Variants in CDH18 observed in about 807,000 individuals in gnomAD.
CDH18 encodes the protein cadherin 18.
In CDH18, 31 loss-of-function variants were observed where a neutral mutation model predicts 67.9. The ratio of observed to expected loss-of-function variants is 0.46; its 90% confidence interval spans 0.34 to 0.62. The LOEUF (loss-of-function observed/expected upper bound fraction) is 0.62. Among genes scored for constraint, CDH18 ranks in the 20% least tolerant of loss-of-function variants. CDH18 has a pLI of 0.01. For synonymous variants in CDH18, 362 were observed against 347.2 expected (o/e 1.04, Z -0.48); for missense variants, 890 against 975.5 (o/e 0.91, Z 1.17).
chr5:19,727,660 C>T (rs767588109), intron 4 of CDH18, among the ~76,000 whole-genome samples: 1 of 152,048 alleles, frequency 6.6e-6, no homozygotes, highest in Non-Finnish European at 1.5e-5. Context: ...GAAAAATGGA[C>T]ATTTATTCTC....
At chr5:19,532,603 A>T (rs1036939816) in intron 9 of CDH18, among the ~76,000 whole-genome samples, 5 of 152,156 alleles carry the variant, frequency 3.3e-5, no homozygotes, top group Non-Finnish European at 7.4e-5. Flanking sequence ...ATGTTTTAAA[A>T]GGAACATTAT....
intron 2 of CDH18, among the ~76,000 whole-genome samples, chr5:20,154,622 C>T (rs144269891): frequency 1.3e-5 from 2 of 152,122 alleles, no homozygotes; most frequent in Admixed American, 6.6e-5. Context: ...CTCCCTCAGT[C>T]TCTGTGCCAT....
chr5:20,005,644 A>G (rs1013560208), intron 2 of CDH18, among the ~76,000 whole-genome samples: 1 of 151,968 alleles, frequency 6.6e-6, no homozygotes, highest in Non-Finnish European at 1.5e-5. Context: ...ATAATTTTCA[A>G]GTTATTTAAG....
chr5:20,284,016 T>G (rs2126710578), intron 1 of CDH18, among the ~76,000 whole-genome samples: 1 of 152,084 alleles, frequency 6.6e-6, no homozygotes, highest in Middle Eastern at 3.4e-3. Context: ...ACCTCACATG[T>G]TTTCACTCAC....
rs141371280 is a variant in CDH18, at chr5:19,928,592, T to C, written c.-257+52468A>G. 2.9e-3 allele frequency among the ~76,000 whole-genome samples: 444 copies of C among 152,278 alleles called. 1 individual carries two copies. Among genetic ancestry groups the C allele is most frequent in the Non-Finnish European group, 4.9e-3 (331 of 68,018 alleles). On this transcript the variant is annotated intron_variant, in intron 2 of 12. Transcript: ENST00000382275. ...ATGTAACATACATATCCATACAGGA[T>C]ACACAATACTCCTGTGTGAGCTTGA...
chr5:19,997,722 T>C (rs1736125356), intron 2 of CDH18, among the ~76,000 whole-genome samples: 1 of 152,152 alleles, frequency 6.6e-6, no homozygotes, highest in African/African-American at 2.4e-5. Flanking sequence ...ACTGCAACAA[T>C]GGTAAGCTAT....
intron 2 of CDH18, among the ~76,000 whole-genome samples, chr5:20,192,908 G>A (rs1738663429): frequency 6.6e-6 from 1 of 152,098 alleles, no homozygotes; most frequent in East Asian, 1.9e-4. Flanking sequence ...GTAGTTTGAT[G>A]GGAATAGCAT....
chr5:20,575,448 T>C (rs1314069340), intron 1 of CDH18: 1 of 152,128 alleles, frequency 6.6e-6, no homozygotes, highest in African/African-American at 2.4e-5. Flanking sequence ...GAGATAAAAA[T>C]TGCATTTCCT....
At chr5:19,657,901 C>T (rs557874106) in intron 5 of CDH18, among the ~76,000 whole-genome samples, 1 of 152,066 alleles carries the variant, frequency 6.6e-6, no homozygotes, top group African/African-American at 2.4e-5. Flanking sequence ...TGTGTGCCAG[C>T]GGCTAAGATT....
chr5:19,838,295 G>T (rs1469037923), intron 3 of CDH18, among the ~76,000 whole-genome samples: 1 of 152,050 alleles, frequency 6.6e-6, no homozygotes, highest in East Asian at 1.9e-4. Context: ...ATTTAATTAT[G>T]ATATTAGAAA....
At chr5:20,088,334 C>T (rs1487521963) in intron 2 of CDH18, among the ~76,000 whole-genome samples, 3 of 152,168 alleles carry the variant, frequency 2.0e-5, no homozygotes, top group African/African-American at 4.8e-5. Context: ...AGGGATTGGC[C>T]TTGTTGATCC....
chr5:19,529,166 T>C (rs1337202152), intron 9 of CDH18, among the ~76,000 whole-genome samples: 1 of 152,050 alleles, frequency 6.6e-6, no homozygotes, highest in Non-Finnish European at 1.5e-5. Context: ...ACATTCATTA[T>C]GACCAAGTGA....
intron 1 of CDH18, among the ~76,000 whole-genome samples, chr5:20,566,526 A>ATTTTTTT (rs33950954): frequency 1.1e-4 from 11 of 97,372 alleles, no homozygotes; most frequent in Non-Finnish European, 1.6e-4. Flanking sequence ...TGCCCAGCTA[A>ATTTTTTT]TTTTTTTTTT....
At chr5:20,010,872 C>T (rs1580022133) in intron 2 of CDH18, among the ~76,000 whole-genome samples, 1 of 152,096 alleles carries the variant, frequency 6.6e-6, no homozygotes, top group Admixed American at 6.6e-5. Flanking sequence ...CACGTGTATA[C>T]CTCTAGACAA....
chr5:20,538,591 G>A (rs913947148), intron 1 of CDH18, among the ~76,000 whole-genome samples: 10 of 151,992 alleles, frequency 6.6e-5, no homozygotes, highest in South Asian at 4.2e-4. Context: ...CAAAATAGTC[G>A]CCAGGGCATG....
At chr5:20,524,107 T>C (rs1259113538) in intron 1 of CDH18, among the ~76,000 whole-genome samples, 1 of 152,206 alleles carries the variant, frequency 6.6e-6, no homozygotes, top group Non-Finnish European at 1.5e-5. Context: ...CATTTGATTA[T>C]AAACATTGTT....
At chr5:19,674,635 A>G (rs1267121774) in intron 5 of CDH18, among the ~76,000 whole-genome samples, 5 of 152,168 alleles carry the variant, frequency 3.3e-5, no homozygotes, top group African/African-American at 9.7e-5. Flanking sequence ...TGTGTCAACT[A>G]TTAATATGCA....
At chr5:20,200,638 C>T (rs148115415) in intron 2 of CDH18, among the ~76,000 whole-genome samples, 1,690 of 151,986 alleles carry the variant, frequency 0.011, 30 homozygotes, top group African/African-American at 0.038. Context: ...ATTGGGCCAC[C>T]AGACTCCAGC....
At chr5:20,552,197 G>T (rs1471563490) in intron 1 of CDH18, among the ~76,000 whole-genome samples, 4 of 151,836 alleles carry the variant, frequency 2.6e-5, no homozygotes, top group African/African-American at 9.7e-5. Flanking sequence ...AAGCATTCAG[G>T]TGGGCGCATT....
Sources: gnomAD v4.1 joint callset for allele counts (sites outside exome capture counted in the v4.1 genomes callset) on GRCh38, gnomAD v4.1.1 for gene constraint, MANE v1.5 for transcripts, NCBI Gene and HGNC (gene_info 2026-07-23, HGNC 2026-07-21) for gene names.